PAN3: variants seen among roughly 807,000 people sequenced by gnomAD.
The protein encoded by PAN3 is poly(A) specific ribonuclease subunit PAN3.
In PAN3, 19 loss-of-function variants were observed where a neutral mutation model predicts 96.2. The observed-to-expected ratio is 0.20, with a 90% CI of 0.14 to 0.29. PAN3 has a LOEUF of 0.29. Among genes scored for constraint, PAN3 ranks in the 10% least tolerant of loss-of-function variants. The pLI is 1.00. For synonymous variants in PAN3, 433 were observed against 406.6 expected, an observed-to-expected ratio of 1.06 and a Z score of -0.78; for missense variants, 882 against 1,108.1, an observed-to-expected ratio of 0.80 and a Z score of 2.90.
chr13:28,212,248 A>C (rs1483542229), intron 5 of PAN3, among the ~76,000 whole-genome samples: 1 of 152,232 alleles, frequency 6.6e-6, no homozygotes, highest in African/African-American at 2.4e-5. Flanking sequence ...GCTAATTGGA[A>C]GCCATTTCCC....
intron 5 of PAN3, among the ~76,000 whole-genome samples, chr13:28,218,719 A>C (rs937676528): frequency 6.6e-6 from 1 of 152,214 alleles, no homozygotes; most frequent in African/African-American, 2.4e-5. Flanking sequence ...CTCATTTTTG[A>C]AATTAGTCTG....
intron 1 of PAN3, among the ~76,000 whole-genome samples, chr13:28,155,909 T>A (rs1035008318): frequency 3.9e-5 from 6 of 152,142 alleles, no homozygotes; most frequent in African/African-American, 1.4e-4. Flanking sequence ...AGTCATCTGA[T>A]GTGGTTAGAG....
chr13:28,244,907 G>A (rs978351460), intron 6 of PAN3, among the ~76,000 whole-genome samples: 6 of 151,950 alleles, frequency 3.9e-5, no homozygotes, highest in African/African-American at 7.3e-5. Flanking sequence ...GGAGTGCAGT[G>A]GCGCGATCTT....
intron 5 of PAN3, among the ~76,000 whole-genome samples, chr13:28,205,456 C>G (rs1001989607): frequency 5.3e-5 from 8 of 152,046 alleles, no homozygotes; most frequent in African/African-American, 1.9e-4. Context: ...GAGTAATGAC[C>G]TTGTGTTCTT....
chr13:28,146,300 G>GTC (rs71086834), intron 1 of PAN3, among the ~76,000 whole-genome samples: 6,115 of 143,390 alleles, frequency 0.043, 165 homozygotes, highest in African/African-American at 0.085. Flanking sequence ...CTCTTTCTCT[G>GTC]TCTCTCTCTC....
intron 6 of PAN3, among the ~76,000 whole-genome samples, chr13:28,236,016 A>G (rs1175826902): frequency 1.3e-5 from 2 of 151,826 alleles, no homozygotes; most frequent in African/African-American, 4.8e-5. Flanking sequence ...ACATACGTGA[A>G]CCCCGTGCAT....
Position 28,272,063 on chromosome 13 carries a change from C to G in PAN3, c.2041C>G (p.Gln681Glu). The G allele has an allele frequency of 1.3e-6, 2 of 1,555,168 alleles. No individual in the cohort carries two copies. The highest frequency in any genetic ancestry group is 1.8e-6 in the Non-Finnish European group (2 of 1,135,446). Residue 681 changes from glutamine to glutamate, a missense_variant, in exon 14 of 19, where the codon CAG (glutamine) becomes GAG (glutamate). By Grantham distance (29) the Gln-to-Glu change is conservative. Coordinates refer to ENST00000380958, the MANE Select transcript of PAN3 (RefSeq NM_175854.8). ...TAATAATCCATTGGCATTAATGGCC[C>G]AGTACCAGGTGAGTAAGAATTAACA... ...QNNNPLALMA[Q>E]YQQADLISLG...
chr13:28,181,632 A>G (rs1875801048), intron 4 of PAN3, among the ~76,000 whole-genome samples: 1 of 152,220 alleles, frequency 6.6e-6, no homozygotes, highest in Non-Finnish European at 1.5e-5. Context: ...TGTGGTGAGA[A>G]TGTATGCCTT....
At position 28,204,283 on chromosome 13, in the gene PAN3, C is replaced by T. The variant is rs147543267; in HGVS notation, c.852+6937C>T. 2.6e-5 allele frequency among the ~76,000 whole-genome samples: 4 copies of T among 152,284 alleles called. No homozygotes were observed. In the East Asian group the frequency reaches 7.7e-4, roughly 29 times the overall value. Reference sequence around the variant, plus strand: ...TGTTTACCTATCACTGGATGGTTACCTGTCACTTTGCCTGACCAATCTGTA... The same window carrying T: ...TGTTTACCTATCACTGGATGGTTACTTGTCACTTTGCCTGACCAATCTGTA... On this transcript the variant is annotated intron_variant, in intron 5 of 18. Coordinates refer to ENST00000380958, the MANE Select transcript of PAN3 (RefSeq NM_175854.8).
chr13:28,149,084 GCGACTCATACCTGTA>G (rs1168169641), intron 1 of PAN3, among the ~76,000 whole-genome samples: 1 of 152,030 alleles, frequency 6.6e-6, no homozygotes, highest in African/African-American at 2.4e-5. Context: ...GTGGGGTGTG[GCGACTCATACCTGTA>G]ATCCTAGTAC....
rs1409381637 is a variant in PAN3, at chr13:28,243,973, A to T, written c.1001-12319A>T. ...AGTGCTGGGATTGCAGGCAGGAGCC[A>T]CCGCACCTGGCCTAGTTCTTTTTTT... On this transcript the variant is annotated intron_variant, in intron 6 of 18. Transcript: ENST00000380958. Among the ~76,000 whole-genome samples the T allele has an allele frequency of 2.6e-5, 4 of 152,194 alleles. No homozygotes were observed. The East Asian group carries it at 7.7e-4, about 29-fold the overall frequency.
intron 1 of PAN3, among the ~76,000 whole-genome samples, chr13:28,153,018 T>C (rs1218883420): frequency 6.6e-6 from 1 of 152,138 alleles, no homozygotes; most frequent in Non-Finnish European, 1.5e-5. Context: ...GTTAGACTCA[T>C]TCTATGGAAA....
At chr13:28,228,646 C>T (rs781672873) in intron 6 of PAN3, among the ~76,000 whole-genome samples, 1 of 151,940 alleles carries the variant, frequency 6.6e-6, no homozygotes, top group Non-Finnish European at 1.5e-5. Flanking sequence ...GGTGGGGGTA[C>T]CTTTGAGAAA....
chr13:28,212,798 G>A (rs1416177708), intron 5 of PAN3, among the ~76,000 whole-genome samples: 5 of 152,134 alleles, frequency 3.3e-5, no homozygotes, highest in Admixed American at 1.3e-4. Context: ...AAAACCACAC[G>A]CAGAGAAAAT....
At position 28,138,747 on chromosome 13, in the gene PAN3, G is replaced by A. The variant is rs1263373146; in HGVS notation, c.90G>A (p.Pro30=). The A allele has an allele frequency of 3.1e-6, 4 of 1,298,004 alleles. No homozygotes were observed. Among genetic ancestry groups the A allele is most frequent in the Non-Finnish European group, 3.9e-6 (4 of 1,026,360 alleles). The allele number at this position is 1,298,004 out of a possible 1,614,324, so 80.4% of individuals were successfully genotyped here. A position where few individuals can be genotyped will look rare whatever the true frequency, so the allele number is the denominator to read the frequency against. ...SLAAAVAVVA[P]PGVGGVPGGA... is the part of the protein sequence containing the mutation. Reference sequence around the variant, plus strand: ...CGGCGGCGGTGGCGGTGGTGGCCCCGCCGGGGGTCGGGGGTGTCCCCGGCG... The same window carrying A: ...CGGCGGCGGTGGCGGTGGTGGCCCCACCGGGGGTCGGGGGTGTCCCCGGCG... Residue 30 remains proline, a synonymous_variant, in exon 1 of 19, where the codon CCG becomes CCA. Transcript: ENST00000380958.
chr13:28,261,383 AC>A lies in PAN3; in HGVS notation c.1354-17del. ...AGAATCTGTGTTTAAATAAAAATAT[AC>A]TTATTTTGTTTCATAGGAGCTGATC... On this transcript the variant is annotated splice_polypyrimidine_tract_variant and intron_variant, in intron 8 of 18. Transcript: ENST00000380958. 2 of 1,392,162 alleles carry A rather than the reference AC, an allele frequency of 1.4e-6. No homozygotes were observed. The highest frequency in any genetic ancestry group is 2.4e-5 in the Admixed American group (1 of 42,234). 86.2% of individuals were successfully genotyped at this position (1,392,162 alleles called of 1,614,324 possible).
chr13:28,151,900 G>A (rs73156286), intron 1 of PAN3, among the ~76,000 whole-genome samples: 171 of 152,264 alleles, frequency 1.1e-3, no homozygotes, highest in Middle Eastern at 3.4e-3. Context: ...TACAAGTCTG[G>A]AGTTCTTGAG....
At chr13:28,284,129 C>T (rs974194413) in intron 17 of PAN3, among the ~76,000 whole-genome samples, 10 of 152,194 alleles carry the variant, frequency 6.6e-5, no homozygotes, top group Non-Finnish European at 1.2e-4. Context: ...GTGTGTAATT[C>T]GTGAGACTGC....
intron 4 of PAN3, among the ~76,000 whole-genome samples, chr13:28,191,293 C>T (rs1478815623): frequency 6.6e-6 from 1 of 152,138 alleles, no homozygotes; most frequent in Non-Finnish European, 1.5e-5. Flanking sequence ...TTTAACCTAC[C>T]AGATGTTGCC....
Sources: gnomAD v4.1 joint callset for allele counts (sites outside exome capture counted in the v4.1 genomes callset) on GRCh38, gnomAD v4.1.1 for gene constraint, MANE v1.5 for transcripts, NCBI Gene and HGNC (gene_info 2026-07-23, HGNC 2026-07-21) for gene names.